The following RANBP2 variants were observed in gnomAD, a reference collection of about 807,000 sequenced individuals.
The protein encoded by RANBP2 is RAN binding protein 2.
Under a neutral mutation model 303.6 loss-of-function variants are expected in RANBP2, and 57 were observed. The observed-to-expected ratio is 0.19, with a 90% CI of 0.15 to 0.23. RANBP2 has a LOEUF of 0.23. Ranked by LOEUF, RANBP2 falls within the 10% of genes least tolerant of loss-of-function variation. The probability of loss-of-function intolerance (pLI) is 1.00; values close to 1 mark genes in which losing one functional copy is unlikely to be tolerated. For synonymous variants in RANBP2, 1,167 were observed against 1,301.5 expected (o/e 0.90, Z 2.23); for missense variants, 3,138 against 3,780.8 (o/e 0.83, Z 4.46).
chr2:109,546,648 T>C, the RANBP2 span, among the ~76,000 whole-genome samples: 1 of 152,104 alleles, frequency 6.6e-6, no homozygotes, highest in Non-Finnish European at 1.5e-5. Flanking sequence ...AAATAAAATA[T>C]ATGCAGTAAA....
chr2:109,410,134 G>A, the RANBP2 span, among the ~76,000 whole-genome samples: 1 of 152,242 alleles, frequency 6.6e-6, no homozygotes, highest in African/African-American at 2.4e-5. Context: ...GGAGGCTCTA[G>A]TGTCTGGTTA....
chr2:109,146,163 A>G, the RANBP2 span, among the ~76,000 whole-genome samples: 1 of 152,188 alleles, frequency 6.6e-6, no homozygotes, highest in Admixed American at 6.5e-5. Flanking sequence ...TCATTAGAAT[A>G]CGTATTAGAA....
the RANBP2 span, among the ~76,000 whole-genome samples, chr2:108,940,508 C>T: frequency 6.6e-6 from 1 of 152,236 alleles, no homozygotes; most frequent in African/African-American, 2.4e-5. Context: ...AGTGCGTGGC[C>T]CATGTACTCT....
rs1047925271 is a variant in RANBP2, at chr2:108,785,000, A to G, written c.*1099A>G. 12 of 152,196 alleles carry G rather than the reference A, an allele frequency of 7.9e-5. No individual in the cohort carries two copies. Among genetic ancestry groups the G allele is most frequent in the African/African-American group, 2.9e-4 (12 of 41,446 alleles). The allele number at this position is 152,196 out of a possible 1,614,324, so 9.4% of individuals were successfully genotyped here. On this transcript the variant is annotated 3_prime_UTR_variant, in exon 29 of 29. Transcript: ENST00000283195. ...GAAAAGAGGATGTTCTTATTGGCCT[A>G]CTCAATATGGAACTACAAAGAATCC...
At chr2:108,770,775 A>G (rs1277608068) in intron 20 of RANBP2, among the ~76,000 whole-genome samples, 1 of 152,248 alleles carries the variant, frequency 6.6e-6, no homozygotes, top group Admixed American at 6.5e-5. Flanking sequence ...TAATATAAAA[A>G]TTAATGATAT....
the RANBP2 span, among the ~76,000 whole-genome samples, chr2:109,248,593 T>C: frequency 6.6e-6 from 1 of 152,226 alleles, no homozygotes. Context: ...CCTTGAGACA[T>C]TAATTGACCA....
chr2:109,006,611 G>A, the RANBP2 span, among the ~76,000 whole-genome samples: 1 of 152,274 alleles, frequency 6.6e-6, no homozygotes, highest in Admixed American at 6.5e-5. Context: ...GTGGGATGTG[G>A]GGTTCTGCTT....
chr2:109,556,429 T>C, the RANBP2 span, among the ~76,000 whole-genome samples: 1 of 152,190 alleles, frequency 6.6e-6, no homozygotes, highest in Admixed American at 6.5e-5. Context: ...ATTCTGTAAG[T>C]TCAAAGAAAC....
chr2:109,572,917 A>G, the RANBP2 span, among the ~76,000 whole-genome samples: 2 of 152,172 alleles, frequency 1.3e-5, no homozygotes, highest in East Asian at 3.9e-4. Context: ...GTCCAGCCCA[A>G]CAACCTTCTT....
chr2:108,843,543 G>A, the RANBP2 span, among the ~76,000 whole-genome samples: 51 of 152,214 alleles, frequency 3.4e-4, no homozygotes, highest in Admixed American at 6.5e-4. Flanking sequence ...TATTTTCACT[G>A]GGTATCAGAT....
At chr2:109,501,736 A>G in the RANBP2 span, 2 of 694,670 alleles carry the variant, frequency 2.9e-6, no homozygotes, top group Non-Finnish European at 5.3e-6. Context: ...CACGGCACAC[A>G]GAGAGGGAGC....
At chr2:109,360,025 T>A in the RANBP2 span, among the ~76,000 whole-genome samples, 11 of 151,162 alleles carry the variant, frequency 7.3e-5, no homozygotes, top group Non-Finnish European at 1.5e-4. Context: ...GAGGACCCAC[T>A]TACTGGTCCC....
the RANBP2 span, among the ~76,000 whole-genome samples, chr2:109,177,568 TACAAAG>T: frequency 2.0e-5 from 3 of 152,034 alleles, no homozygotes; most frequent in Non-Finnish European, 4.4e-5. Flanking sequence ...GCACCATTCC[TACAAAG>T]TTAGTATCAG....
the RANBP2 span, among the ~76,000 whole-genome samples, chr2:109,593,459 G>T: frequency 7.1e-5 from 10 of 141,538 alleles, no homozygotes; most frequent in African/African-American, 2.7e-4. Flanking sequence ...AGACTGGAGT[G>T]CAATGGCATG....
intron 7 of RANBP2, among the ~76,000 whole-genome samples, chr2:108,742,227 C>T (rs931422240): frequency 6.6e-6 from 1 of 151,954 alleles, no homozygotes; most frequent in Admixed American, 6.6e-5. Flanking sequence ...AACTCCTGAC[C>T]TCAGGTGATC....
At chr2:109,267,400 C>T in the RANBP2 span, among the ~76,000 whole-genome samples, 1 of 152,124 alleles carries the variant, frequency 6.6e-6, no homozygotes. Flanking sequence ...TGAGCTTGCC[C>T]GAAGAAAGAA....
the RANBP2 span, among the ~76,000 whole-genome samples, chr2:109,347,131 A>G: frequency 6.6e-6 from 1 of 152,212 alleles, no homozygotes; most frequent in Non-Finnish European, 1.5e-5. Flanking sequence ...TGCTGTGACT[A>G]TTCAGTAGAT....
At chr2:109,533,242 C>T in the RANBP2 span, among the ~76,000 whole-genome samples, 4 of 152,336 alleles carry the variant, frequency 2.6e-5, no homozygotes, top group East Asian at 3.9e-4. Flanking sequence ...CAACACAGCC[C>T]GTGGAGGGCA....
At chr2:108,910,381 C>T in the RANBP2 span, 1,224 of 1,191,590 alleles carry the variant, frequency 1.0e-3, 9 homozygotes, top group African/African-American at 0.016. Flanking sequence ...TCAGTTCACT[C>T]GGCTGCACCC....
Sources: allele counts gnomAD v4.1 joint callset (sites outside exome capture counted in the v4.1 genomes callset), GRCh38; gene constraint gnomAD v4.1.1; transcripts MANE v1.5; gene names NCBI Gene and HGNC (gene_info 2026-07-23, HGNC 2026-07-21).